The following TAFA3 variants were observed in gnomAD, a reference collection of about 807,000 sequenced individuals.
The protein encoded by TAFA3 is TAFA chemokine like family member 3.
In TAFA3, 17 loss-of-function variants were observed where a neutral mutation model predicts 20.7. The observed-to-expected ratio is 0.82, with a 90% CI of 0.56 to 1.23. The LOEUF is 1.23. TAFA3 is among the 50% of genes most tolerant of loss of function. TAFA3 has a pLI of 0.00. For synonymous variants in TAFA3, 74 were observed against 71.8 expected, an observed-to-expected ratio of 1.03 and a Z score of -0.16; for missense variants, 174 against 172.8, an observed-to-expected ratio of 1.01 and a Z score of -0.04.
At chr1:112,726,544 A>G (rs1369073437) in intron 5 of TAFA3, 85 bp from the exon 6 acceptor site, 6 of 1,422,326 alleles carry the variant, frequency 4.2e-6, no homozygotes, top group Middle Eastern at 1.8e-4. Context: ...CCTCTAAGTG[A>G]CCTGCATATT....
rs753703842 is a variant in TAFA3 at position 112,722,270 on chromosome 1, G to A, written c.37G>A (p.Gly13Ser). The A allele has an allele frequency of 1.9e-6, 3 of 1,614,082 alleles. No individual in the cohort carries two copies. The highest frequency in any genetic ancestry group is 1.7e-5 in the Admixed American group (1 of 60,022). ...ERVERNWSTG[G>S]WLLALCLAWL... is the part of the protein sequence containing the mutation. ...GGTCGAGCGGAACTGGAGCACGGGC[G>A]GCTGGCTGCTGGCACTGTGCCTGGC... The change falls in exon 3 of 6, where the codon GGC (glycine) becomes AGC (serine). Residue 13 changes from glycine (G) to serine (S), a missense_variant. By Grantham distance (56) the Gly-to-Ser change is moderately conservative. Coordinates refer to ENST00000361886, the MANE Select transcript of TAFA3 (RefSeq NM_182759.3).
intron 3 of TAFA3, 126 bp downstream of exon 3, chr1:112,722,474 G>T: frequency 2.6e-6 from 2 of 765,542 alleles, no homozygotes; most frequent in South Asian, 3.5e-5. Flanking sequence ...GATTCTAGGG[G>T]TTCCGGCTCC....
intron 5 of TAFA3, among the ~76,000 whole-genome samples, chr1:112,725,867 G>A (rs142265065): frequency 1.5e-3 from 225 of 152,250 alleles, no homozygotes; most frequent in Non-Finnish European, 2.0e-3. Flanking sequence ...GGCTGGGTGC[G>A]GTGGCTCATG....
intron 5 of TAFA3, 112 bp downstream of exon 5, chr1:112,724,249 G>A (rs967033689): frequency 1.7e-5 from 17 of 995,796 alleles, no homozygotes; most frequent in Admixed American, 5.8e-5. Flanking sequence ...AGGTGAGATC[G>A]TGAACCATGA....
At chr1:112,724,230 A>G in intron 5 of TAFA3, 93 bp downstream of exon 5, 1 of 1,171,804 alleles carries the variant, frequency 8.5e-7, no homozygotes, top group East Asian at 2.6e-5. Context: ...CTAGGATGTC[A>G]GTGTCCCAAG....
At position 112,722,870 on chromosome 1, in the gene TAFA3, TC is replaced by T. The variant is rs934210248; in HGVS notation, c.116-145del. 1.8e-5 allele frequency: 18 copies of T among 1,022,812 alleles called. No individual in the cohort carries two copies. The Admixed American group carries it at 2.1e-4, about 12-fold the overall frequency. 63.4% of individuals were successfully genotyped at this position (1,022,812 alleles called of 1,614,324 possible). ...AGCTCTGTGAAGCGGCGGGAAGATT[TC>T]ATCCACTTCCTCCTCCCCTGCCACT... On this transcript the variant is annotated intron_variant, in intron 3 of 5. Coordinates refer to ENST00000361886, the MANE Select transcript of TAFA3 (RefSeq NM_182759.3).
In TAFA3 at chr1:112,723,041, G is replaced by A; in HGVS notation, c.141G>A (p.Glu47=). ...ATVLVQQGTC[E]VIAAHRCCNR... Reference sequence around the variant, plus strand: ...TGCTTGTGCAGCAGGGCACCTGCGAGGTGATTGCGGCTCACCGCTGCTGCA... The same window carrying A: ...TGCTTGTGCAGCAGGGCACCTGCGAAGTGATTGCGGCTCACCGCTGCTGCA... Residue 47 remains glutamate (E), a synonymous_variant, in exon 4 of 6, where the codon GAG becomes GAA. Transcript: ENST00000361886. 1.9e-6 allele frequency: 3 copies of A among 1,612,910 alleles called. No homozygotes were observed. Among genetic ancestry groups the A allele is most frequent in the Non-Finnish European group, 2.5e-6 (3 of 1,179,598 alleles).
At chr1:112,725,668 G>T (rs1177736028) in intron 5 of TAFA3, among the ~76,000 whole-genome samples, 5 of 152,086 alleles carry the variant, frequency 3.3e-5, no homozygotes, top group Admixed American at 3.3e-4. Context: ...AGAACAAGGG[G>T]TAATTAAATT....
At chr1:112,721,772 T>C (rs1460388497) in intron 2 of TAFA3, among the ~76,000 whole-genome samples, 14 of 152,250 alleles carry the variant, frequency 9.2e-5, no homozygotes, top group Non-Finnish European at 2.1e-4. Context: ...GTACAGACTC[T>C]TTACGATGTA....
At chr1:112,726,510 G>C in intron 5 of TAFA3, 119 bp from the exon 6 acceptor site, 7 of 1,043,368 alleles carry the variant, frequency 6.7e-6, no homozygotes, top group Non-Finnish European at 1.0e-5. Context: ...GCCTGCTTTA[G>C]GGTGAGAGGA....
At chr1:112,723,553 G>A (rs1675384479) in intron 4 of TAFA3, among the ~76,000 whole-genome samples, 1 of 152,040 alleles carries the variant, frequency 6.6e-6, no homozygotes, top group South Asian at 2.1e-4. Flanking sequence ...GTGGACACGT[G>A]TGATCCTTCA....
rs992140000 is a variant in TAFA3 at position 112,721,672 on chromosome 1, G to A, written c.-1-561G>A. On this transcript the variant is annotated intron_variant, in intron 2 of 5. Coordinates refer to ENST00000361886, the MANE Select transcript of TAFA3 (RefSeq NM_182759.3). The stretch of plus-strand genomic sequence containing the variant: ...ACTTTGCTTTTTTTCCCCCTTAACA[G>A]TGGATTATCACTGGAGATCACTGCA... 4.6e-5 allele frequency among the ~76,000 whole-genome samples: 7 copies of A among 152,248 alleles called. No individual in the cohort carries two copies. In the East Asian group the frequency reaches 1.4e-3, roughly 29 times the overall value.
At position 112,726,927 on chromosome 1, in the gene TAFA3, A is replaced by T; in HGVS notation, c.*287A>T. On this transcript the variant is annotated 3_prime_UTR_variant, in exon 6 of 6. Coordinates refer to ENST00000361886, the MANE Select transcript of TAFA3 (RefSeq NM_182759.3). ...TTGGAGAGTTGATGACAGACAATTT[A>T]GATAATTTAGGTTAAAGTACTTGAT... The T allele has an allele frequency of 2.1e-6, 1 of 486,598 alleles. No individual in the cohort carries two copies. Among genetic ancestry groups the T allele is most frequent in the East Asian group, 3.5e-5 (1 of 28,502 alleles). 30.1% of individuals were successfully genotyped at this position (486,598 alleles called of 1,614,324 possible). A position where few individuals can be genotyped will look rare whatever the true frequency, so the allele number is the denominator to read the frequency against.
In TAFA3 at chr1:112,727,202, G is replaced by A. The variant is rs1675493405; in HGVS notation, c.*562G>A. On this transcript the variant is annotated 3_prime_UTR_variant, in exon 6 of 6. Transcript: ENST00000361886. ...GATGGGATTGGATTGACTTGCGGAA[G>A]GAAAGTAAAAATAAAGCCAAATAAC... The A allele has an allele frequency of 6.5e-6, 1 of 153,330 alleles. No individual in the cohort carries two copies. The highest frequency in any genetic ancestry group is 2.1e-4 in the South Asian group (1 of 4,874). The allele number at this position is 153,330 out of a possible 1,614,324, so 9.5% of individuals were successfully genotyped here. A position where few individuals can be genotyped will look rare whatever the true frequency, so the allele number is the denominator to read the frequency against.
At chr1:112,722,192 T>C (rs1675343321) in intron 2 of TAFA3, 41 bp from the exon 3 acceptor site, 1 of 1,605,382 alleles carries the variant, frequency 6.2e-7, no homozygotes, top group Admixed American at 1.7e-5. Flanking sequence ...ACAGGGGAGC[T>C]TCTGCCTGGA....
At chr1:112,724,186 A>G in intron 5 of TAFA3, 49 bp downstream of exon 5, 1 of 1,471,646 alleles carries the variant, frequency 6.8e-7, no homozygotes. Context: ...CTCTCTACCA[A>G]GGGCAGAAAA....
chr1:112,724,556 T>G (rs948343100), intron 5 of TAFA3, among the ~76,000 whole-genome samples: 5 of 140,570 alleles, frequency 3.6e-5, no homozygotes, highest in Non-Finnish European at 7.6e-5. Flanking sequence ...ACACCGCATA[T>G]TCTCACTCAT....
chr1:112,722,254 G>A lies in TAFA3; in HGVS notation c.21G>A (p.Arg7=). 6.2e-7 allele frequency: 1 copy of A among 1,614,128 alleles called. No individual in the cohort carries two copies. ...GCAGGATGAGTGAGAGGGTCGAGCG[G>A]AACTGGAGCACGGGCGGCTGGCTGC... The part of the protein sequence containing the change: MSERVE[R]NWSTGGWLLA... Residue 7 remains arginine, a synonymous_variant, in exon 3 of 6, where the codon CGG becomes CGA. Coordinates refer to ENST00000361886, the MANE Select transcript of TAFA3 (RefSeq NM_182759.3).
chr1:112,722,490 T>C (rs1675354096), intron 3 of TAFA3, 142 bp downstream of exon 3: 3 of 695,796 alleles, frequency 4.3e-6, no homozygotes, highest in Non-Finnish European at 7.1e-6. Context: ...GCTCCTCCTC[T>C]GCTCTTTACC....
Sources: allele counts gnomAD v4.1 joint callset (sites outside exome capture counted in the v4.1 genomes callset), GRCh38; gene constraint gnomAD v4.1.1; transcripts MANE v1.5; gene names NCBI Gene and HGNC (gene_info 2026-07-23, HGNC 2026-07-21).